The following CCSER1 variants were observed in gnomAD, a reference collection of about 807,000 sequenced individuals.
CCSER1 encodes serine-rich coiled-coil domain-containing protein 1.
CCSER1 carries 41 observed loss-of-function variants against 82.0 expected under a neutral mutation model. That is an observed-to-expected ratio of 0.50 (90% CI 0.39 to 0.65). CCSER1 has a LOEUF of 0.65. Among genes scored for constraint, CCSER1 ranks in the 30% least tolerant of loss-of-function variants. CCSER1 has a pLI of 0.00. For missense variants in CCSER1, 1,119 were observed against 1,064.2 expected (o/e 1.05, Z -0.72); for synonymous variants, 414 against 383.9 (o/e 1.08, Z -0.92).
chr4:90,844,370 C>A (rs918037360), intron 8 of CCSER1, among the ~76,000 whole-genome samples: 1 of 151,986 alleles, frequency 6.6e-6, no homozygotes, highest in African/African-American at 2.4e-5. Context: ...CAATTACTGG[C>A]AGTAGCAAAT....
At chr4:91,123,431 T>C (rs916413988) in intron 10 of CCSER1, among the ~76,000 whole-genome samples, 1 of 151,684 alleles carries the variant, frequency 6.6e-6, no homozygotes, top group Non-Finnish European at 1.5e-5. Context: ...AGGAAATTAT[T>C]TAATATTAAA....
chr4:90,620,541 G>A (rs1000441613), intron 5 of CCSER1, among the ~76,000 whole-genome samples: 9 of 152,086 alleles, frequency 5.9e-5, no homozygotes, highest in Admixed American at 5.9e-4. Context: ...TTGAATCATC[G>A]TAGTTTCAAA....
intron 8 of CCSER1, among the ~76,000 whole-genome samples, chr4:90,901,623 G>A (rs1196333925): frequency 1.3e-5 from 2 of 151,940 alleles, no homozygotes; most frequent in Non-Finnish European, 2.9e-5. Flanking sequence ...ATCTCTTCTA[G>A]CTGATAAGGT....
At chr4:90,169,425 G>C (rs113613433) in intron 1 of CCSER1, among the ~76,000 whole-genome samples, 42,792 of 151,834 alleles carry the variant, frequency 0.28, 7,602 homozygotes, top group East Asian at 0.64. Context: ...TCTGCAAACA[G>C]GGACAATTTG....
At position 90,988,360 on chromosome 4, in the gene CCSER1, A is replaced by T. The variant is rs865984090; in HGVS notation, c.2172+64913A>T. On this transcript the variant is annotated intron_variant, in intron 9 of 10. Coordinates refer to ENST00000509176, the MANE Select transcript of CCSER1 (RefSeq NM_001145065.2). ...AAAAAAAAAAAAAAAAAAAAAAAAA[A>T]AAAGAAAGAAAAGAACAAGCTTAAA... Among the ~76,000 whole-genome samples, 1,125 of 142,818 alleles carry T rather than the reference A, an allele frequency of 7.9e-3. 21 individuals carry two copies. Among genetic ancestry groups the T allele is most frequent in the African/African-American group, 0.029 (1,077 of 37,306 alleles). 93.7% of individuals were successfully genotyped at this position (142,818 alleles called of 152,430 possible). A position where few individuals can be genotyped will look rare whatever the true frequency, so the allele number is the denominator to read the frequency against.
At chr4:91,160,606 T>C (rs1243235346) in intron 10 of CCSER1, among the ~76,000 whole-genome samples, 1 of 152,214 alleles carries the variant, frequency 6.6e-6, no homozygotes, top group East Asian at 1.9e-4. Context: ...TGTGAGATGG[T>C]ATCTCATTGT....
chr4:90,393,772 C>CTTTTTTT (rs997027362), intron 3 of CCSER1, among the ~76,000 whole-genome samples: 1 of 111,314 alleles, frequency 9.0e-6, no homozygotes. Context: ...TTATATCTTC[C>CTTTTTTT]TTTTTTTTTT....
intron 10 of CCSER1, among the ~76,000 whole-genome samples, chr4:91,181,830 G>A (rs1283725637): frequency 2.6e-5 from 4 of 152,174 alleles, no homozygotes. Flanking sequence ...AATTATAGGA[G>A]CAGATTTATT....
chr4:90,260,519 C>T (rs917427164), intron 1 of CCSER1, among the ~76,000 whole-genome samples: 1 of 151,774 alleles, frequency 6.6e-6, no homozygotes, highest in Non-Finnish European at 1.5e-5. Context: ...TGTTCTTTGT[C>T]TTTTTTTTAC....
intron 8 of CCSER1, among the ~76,000 whole-genome samples, chr4:90,823,640 GAACC>G (rs1302946443): frequency 6.6e-6 from 1 of 151,902 alleles, no homozygotes; most frequent in Non-Finnish European, 1.5e-5. Context: ...AATAGTGTGT[GAACC>G]GTGAGCTCTC....
intron 5 of CCSER1, among the ~76,000 whole-genome samples, chr4:90,549,926 A>G (rs1579102472): frequency 6.6e-6 from 1 of 152,148 alleles, no homozygotes; most frequent in African/African-American, 2.4e-5. Flanking sequence ...CTTGGTAACT[A>G]CTGGACATGG....
At chr4:90,202,756 C>T (rs1738009001) in intron 1 of CCSER1, among the ~76,000 whole-genome samples, 1 of 152,220 alleles carries the variant, frequency 6.6e-6, no homozygotes, top group South Asian at 2.1e-4. Context: ...GCAAGTCCGT[C>T]ACATTTAGGT....
intron 10 of CCSER1, among the ~76,000 whole-genome samples, chr4:91,224,548 T>A (rs11097308): frequency 0.12 from 18,731 of 152,120 alleles, 1,322 homozygotes; most frequent in Middle Eastern, 0.18. Flanking sequence ...ACTGAAATTT[T>A]AATTTTATTG....
At chr4:90,643,442 C>G (rs2148996412) in intron 6 of CCSER1, among the ~76,000 whole-genome samples, 1 of 152,196 alleles carries the variant, frequency 6.6e-6, no homozygotes, top group South Asian at 2.1e-4. Context: ...GTTTTAGGAG[C>G]AAGAATATAC....
intron 6 of CCSER1, among the ~76,000 whole-genome samples, chr4:90,630,925 G>T (rs751301943): frequency 2.0e-5 from 3 of 148,486 alleles, no homozygotes; most frequent in South Asian, 2.1e-4. Flanking sequence ...ATGGAGTCTC[G>T]CTCTGTCACC....
intron 10 of CCSER1, among the ~76,000 whole-genome samples, chr4:91,162,955 A>T (rs955409887): frequency 6.6e-6 from 1 of 151,282 alleles, no homozygotes; most frequent in Non-Finnish European, 1.5e-5. Flanking sequence ...GATCTTAGTT[A>T]TTTTTTGCCT....
intron 10 of CCSER1, among the ~76,000 whole-genome samples, chr4:91,261,923 T>C (rs1003909523): frequency 2.6e-5 from 4 of 152,168 alleles, no homozygotes; most frequent in African/African-American, 9.6e-5. Flanking sequence ...AATCTAGTAG[T>C]AAACAGCCTG....
intron 5 of CCSER1, among the ~76,000 whole-genome samples, chr4:90,542,336 CAGATG>C (rs1350635518): frequency 1.3e-5 from 2 of 152,036 alleles, no homozygotes; most frequent in East Asian, 3.9e-4. Context: ...TAATATTCTG[CAGATG>C]AGATGAAAAT....
At chr4:91,473,574 T>G (rs1361782847) in intron 10 of CCSER1, among the ~76,000 whole-genome samples, 7 of 152,142 alleles carry the variant, frequency 4.6e-5, no homozygotes, top group Admixed American at 4.6e-4. Flanking sequence ...TAGCTAGCTC[T>G]TTTATCTCAG....
Sources: allele counts gnomAD v4.1 joint callset (sites outside exome capture counted in the v4.1 genomes callset), GRCh38; gene constraint gnomAD v4.1.1; transcripts MANE v1.5; gene names NCBI Gene and HGNC (gene_info 2026-07-23, HGNC 2026-07-21).